ENOX1: variants seen among roughly 807,000 people sequenced by gnomAD.
ENOX1 encodes the protein candidate growth-related and time keeping constitutive hydroquinone (NADH) oxidase.
ENOX1 carries 42 observed loss-of-function variants against 82.5 expected under a neutral mutation model. The observed-to-expected ratio is 0.51, with a 90% confidence interval of 0.40 to 0.66. The LOEUF (loss-of-function observed/expected upper bound fraction) is 0.66, where lower values mean the gene tolerates loss of function less well. Ranked by LOEUF, ENOX1 falls within the 30% of genes least tolerant of loss-of-function variation. The pLI, the probability that ENOX1 is intolerant of heterozygous loss-of-function variation, is 0.00. For synonymous variants in ENOX1, 271 were observed against 282.2 expected (o/e 0.96, Z 0.40); for missense variants, 608 against 811.6 (o/e 0.75, Z 3.05).
At chr13:43,499,628 C>T (rs1401001469) in intron 2 of ENOX1, among the ~76,000 whole-genome samples, 3 of 151,956 alleles carry the variant, frequency 2.0e-5, no homozygotes, top group African/African-American at 4.8e-5. Context: ...CCTACCAAAA[C>T]CAGTCTATAA....
intron 5 of ENOX1, among the ~76,000 whole-genome samples, chr13:43,363,570 T>C (rs1178921077): frequency 8.5e-5 from 13 of 152,198 alleles, no homozygotes; most frequent in Admixed American, 7.2e-4. Flanking sequence ...AATGGGAATA[T>C]TGGCATGCTT....
chr13:43,301,089 G>GA (rs1184824158), intron 11 of ENOX1, among the ~76,000 whole-genome samples: 1 of 152,222 alleles, frequency 6.6e-6, no homozygotes, highest in South Asian at 2.1e-4. Context: ...AAATGATGAA[G>GA]AAAGTGTTGG....
At chr13:43,224,855 T>C (rs2041953422) in intron 15 of ENOX1, among the ~76,000 whole-genome samples, 1 of 152,240 alleles carries the variant, frequency 6.6e-6, no homozygotes, top group African/African-American at 2.4e-5. Context: ...AAGCTGGACG[T>C]TGAAGTCAGG....
chr13:43,575,489 A>G (rs573558638), intron 2 of ENOX1, among the ~76,000 whole-genome samples: 19 of 152,318 alleles, frequency 1.2e-4, no homozygotes, highest in African/African-American at 4.6e-4. Context: ...GGTAAGTGAC[A>G]CAGAAGATTT....
At chr13:43,487,503 A>C (rs957632547) in intron 2 of ENOX1, among the ~76,000 whole-genome samples, 1 of 152,248 alleles carries the variant, frequency 6.6e-6, no homozygotes, top group East Asian at 1.9e-4. Context: ...CAACACAGCC[A>C]GGTCATAGTA....
intron 5 of ENOX1, among the ~76,000 whole-genome samples, chr13:43,398,716 C>T (rs549905485): frequency 3.3e-5 from 5 of 151,990 alleles, no homozygotes; most frequent in South Asian, 4.2e-4. Flanking sequence ...GCCTACCCAA[C>T]GTGAAGACGA....
chr13:43,769,234 A>G (rs1951454989), intron 1 of ENOX1, among the ~76,000 whole-genome samples: 1 of 152,120 alleles, frequency 6.6e-6, no homozygotes, highest in African/African-American at 2.4e-5. Flanking sequence ...CATAACACTG[A>G]ATCTTCTGCT....
intron 15 of ENOX1, among the ~76,000 whole-genome samples, 191 bp downstream of exon 15, chr13:43,236,445 C>T (rs1294402336): frequency 2.0e-5 from 3 of 152,148 alleles, no homozygotes; most frequent in Non-Finnish European, 4.4e-5. Flanking sequence ...TATACAGTTA[C>T]AGAAAGGCAA....
chr13:43,214,499 T>G (rs902497023), intron 16 of ENOX1, among the ~76,000 whole-genome samples: 3 of 152,140 alleles, frequency 2.0e-5, no homozygotes, highest in Non-Finnish European at 4.4e-5. Flanking sequence ...TTCATCCTCA[T>G]CTATGAAGGA....
chr13:43,344,491 A>G, intron 9 of ENOX1, 47 bp downstream of exon 9: 1 of 1,499,494 alleles, frequency 6.7e-7, no homozygotes, highest in Non-Finnish European at 9.1e-7. Context: ...ATAAAAAAGA[A>G]AAGGCAAAAT....
chr13:43,754,309 ATG>A (rs1336759197), intron 1 of ENOX1, among the ~76,000 whole-genome samples: 7 of 140,640 alleles, frequency 5.0e-5, no homozygotes, highest in African/African-American at 1.1e-4. Context: ...GCGTGTATGT[ATG>A]TGTGTGTGTG....
chr13:43,602,357 G>A lies in ENOX1; in HGVS notation c.-219+65122C>T, dbSNP rs533710891. ...AAAAGATATAAACAGGCAACTCACT[G>A]AAGAAGAGCTAGAAATAATATATGG... On this transcript the variant is annotated intron_variant, in intron 2 of 16. Transcript: ENST00000690772. Among the ~76,000 whole-genome samples the A allele has an allele frequency of 1.1e-4, 16 of 152,170 alleles. No individual in the cohort carries two copies. The South Asian group carries it at 1.4e-3, about 14-fold the overall frequency.
chr13:43,342,674 G>A (rs1380930310), intron 9 of ENOX1, among the ~76,000 whole-genome samples: 1 of 152,164 alleles, frequency 6.6e-6, no homozygotes, highest in Non-Finnish European at 1.5e-5. Context: ...TAATGTGGCT[G>A]GGGCCTTCAG....
intron 11 of ENOX1, among the ~76,000 whole-genome samples, chr13:43,321,358 T>C (rs2047795892): frequency 1.3e-5 from 2 of 152,230 alleles, no homozygotes; most frequent in Admixed American, 1.3e-4. Flanking sequence ...GAACCACTGC[T>C]TTAAAGAAAT....
chr13:43,547,950 G>A (rs1043480914), intron 2 of ENOX1: 1 of 152,122 alleles, frequency 6.6e-6, no homozygotes, highest in Non-Finnish European at 1.5e-5. Context: ...CACTGCTGTG[G>A]GCATTCCTGT....
intron 2 of ENOX1, among the ~76,000 whole-genome samples, chr13:43,567,559 C>T (rs1403055662): frequency 2.0e-5 from 3 of 152,056 alleles, no homozygotes; most frequent in African/African-American, 7.2e-5. Context: ...TCATCCCTGT[C>T]TACATGTGGC....
At chr13:43,533,881 T>C (rs2078337052) in intron 2 of ENOX1, among the ~76,000 whole-genome samples, 1 of 152,122 alleles carries the variant, frequency 6.6e-6, no homozygotes, top group African/African-American at 2.4e-5. Flanking sequence ...TGAGCACCCA[T>C]TTTTTAGTAG....
At chr13:43,608,958 A>C (rs149893856) in intron 2 of ENOX1, among the ~76,000 whole-genome samples, 2 of 151,964 alleles carry the variant, frequency 1.3e-5, no homozygotes, top group Middle Eastern at 3.2e-3. Context: ...TTCTAAACCA[A>C]CTGGCATCAC....
chr13:43,260,319 C>CTGAAGG (rs1454433191), intron 14 of ENOX1, among the ~76,000 whole-genome samples: 1 of 152,184 alleles, frequency 6.6e-6, no homozygotes, highest in Non-Finnish European at 1.5e-5. Flanking sequence ...GGAAGGTGTT[C>CTGAAGG]TGTTTGACAG....
Sources: gnomAD v4.1 joint callset for allele counts (sites outside exome capture counted in the v4.1 genomes callset) on GRCh38, gnomAD v4.1.1 for gene constraint, MANE v1.5 for transcripts, NCBI Gene and HGNC (gene_info 2026-07-23, HGNC 2026-07-21) for gene names.